The following EIF2AK4 variants were observed in gnomAD, a reference collection of about 807,000 sequenced individuals.
EIF2AK4 encodes the protein eIF-2-alpha kinase GCN2.
A neutral mutation model predicts 211.1 loss-of-function variants in EIF2AK4; 139 were observed. The ratio of observed to expected loss-of-function variants is 0.66; its 90% CI spans 0.57 to 0.76. EIF2AK4 has a LOEUF of 0.76. EIF2AK4 is among the 30% of genes least tolerant of loss of function. The pLI is 0.00. For synonymous variants in EIF2AK4, 710 were observed against 751.3 expected (o/e 0.94, Z 0.90); for missense variants, 1,664 against 2,043.8 (o/e 0.81, Z 3.58).
chr15:39,973,059 A>G, intron 10 of EIF2AK4, 45 bp downstream of exon 10: 1 of 1,543,872 alleles, frequency 6.5e-7, no homozygotes, highest in Non-Finnish European at 9.0e-7. Flanking sequence ...TTTGACATTA[A>G]ATTATTTTGA....
At chr15:39,971,051 T>G (rs1329696127) in intron 9 of EIF2AK4, among the ~76,000 whole-genome samples, 1 of 152,186 alleles carries the variant, frequency 6.6e-6, no homozygotes, top group Non-Finnish European at 1.5e-5. Context: ...ATTGTTTTAA[T>G]TATAGGTCAA....
At position 40,029,380 on chromosome 15, in the gene EIF2AK4, A is replaced by G. The variant is rs17848499; in HGVS notation, c.4503-26A>G. ...GCTTGTGCCTTATTGACTGTTCTTT[A>G]ATTGTTTTTGTTTGCTTGTTTTTAG... is the stretch of plus-strand genomic sequence containing the variant. On this transcript the variant is annotated intron_variant, in intron 33 of 38. Transcript: ENST00000263791. 3.7e-5 allele frequency: 59 copies of G among 1,610,600 alleles called. No homozygotes were observed. In the East Asian group the frequency reaches 1.3e-3, roughly 34 times the overall value.
chr15:40,034,591 T>C lies in EIF2AK4; in HGVS notation c.4892+147T>C, dbSNP rs972215159. 11 of 664,700 alleles carry C rather than the reference T, an allele frequency of 1.7e-5. No homozygotes were observed. In the African/African-American group the frequency reaches 2.0e-4, roughly 12 times the overall value. The allele number at this position is 664,700 out of a possible 1,614,324, so 41.2% of individuals were successfully genotyped here. On this transcript the variant is annotated intron_variant, in intron 38 of 38. Transcript: ENST00000263791. Reference sequence around the variant, plus strand: ...GCAGCTGACAACCAATAAATCTTGCTTGGACTGTGAATCACAGTCATGATC... The same window carrying C: ...GCAGCTGACAACCAATAAATCTTGCCTGGACTGTGAATCACAGTCATGATC...
chr15:39,955,573 C>T (rs1595546546), intron 5 of EIF2AK4, 47 bp from the exon 6 acceptor site: 1 of 1,551,364 alleles, frequency 6.4e-7, no homozygotes. Flanking sequence ...TGATTTTCTT[C>T]CATGTATGAC....
At chr15:39,937,158 T>C (rs1198783920) in intron 1 of EIF2AK4, among the ~76,000 whole-genome samples, 4 of 152,208 alleles carry the variant, frequency 2.6e-5, no homozygotes, top group Non-Finnish European at 4.4e-5. Context: ...CAGCAAAAGG[T>C]CTGCTCATTT....
chr15:39,981,851 G>A (rs934714528), intron 13 of EIF2AK4, among the ~76,000 whole-genome samples: 37 of 151,660 alleles, frequency 2.4e-4, no homozygotes, highest in African/African-American at 8.7e-4. Flanking sequence ...GTCATTCACT[G>A]TAAGTGGCAG....
chr15:40,031,728 C>CTTTTTTTTTTTTT (rs869171453), intron 35 of EIF2AK4, among the ~76,000 whole-genome samples: 1 of 146,152 alleles, frequency 6.8e-6, no homozygotes, highest in Non-Finnish European at 1.5e-5. Context: ...AAGAGCAAAT[C>CTTTTTTTTTTTTT]TTCTTTTTTT....
intron 13 of EIF2AK4, among the ~76,000 whole-genome samples, chr15:39,985,017 A>C (rs113776570): frequency 0.17 from 26,064 of 152,128 alleles, 2,650 homozygotes; most frequent in East Asian, 0.42. Flanking sequence ...TTATTTTGAG[A>C]TACGTTCCAT....
intron 9 of EIF2AK4, among the ~76,000 whole-genome samples, chr15:39,969,977 T>C (rs536627630): frequency 6.6e-6 from 1 of 152,250 alleles, no homozygotes; most frequent in South Asian, 2.1e-4. Flanking sequence ...ACTGGCTGAG[T>C]GAATTAACCC....
intron 32 of EIF2AK4, 26 bp from the exon 33 acceptor site, chr15:40,025,951 G>T: frequency 6.2e-7 from 1 of 1,606,788 alleles, no homozygotes; most frequent in East Asian, 2.2e-5. Context: ...ACCTCCAAAT[G>T]ATAGATCCGT....
At chr15:40,003,379 G>A (rs778979458) in intron 23 of EIF2AK4, 65 bp downstream of exon 23, 8 of 1,584,470 alleles carry the variant, frequency 5.0e-6, no homozygotes, top group Non-Finnish European at 6.0e-6. Context: ...TGGCATCTCT[G>A]TTAAAGGATT....
At position 39,969,522 on chromosome 15, in the gene EIF2AK4, G is replaced by A. The variant is rs149887617; in HGVS notation, c.1553+1643G>A. Among the ~76,000 whole-genome samples the A allele has an allele frequency of 2.4e-3, 364 of 151,908 alleles. 4 individuals carry two copies. The highest frequency in any genetic ancestry group is 0.017 in the East Asian group (88 of 5,166). ...TCTACAGGCGCCCGCTACTACACCC[G>A]GCTAATGTTTTGTATTTTTAGTAGA... is the stretch of plus-strand genomic sequence containing the variant. On this transcript the variant is annotated intron_variant, in intron 9 of 38. Transcript: ENST00000263791.
intron 1 of EIF2AK4, among the ~76,000 whole-genome samples, chr15:39,937,751 G>A (rs1373561781): frequency 6.6e-6 from 1 of 151,766 alleles, no homozygotes; most frequent in East Asian, 1.9e-4. Flanking sequence ...TTCCATCAAA[G>A]TACGGGCCTA....
At chr15:39,996,789 A>G (rs1382740324) in intron 18 of EIF2AK4, among the ~76,000 whole-genome samples, 175 bp from the exon 19 acceptor site, 2 of 152,246 alleles carry the variant, frequency 1.3e-5, no homozygotes, top group Non-Finnish European at 2.9e-5. Flanking sequence ...TACAAAATAT[A>G]TCATTTAGCC....
chr15:39,968,859 T>G (rs1040364797), intron 9 of EIF2AK4, among the ~76,000 whole-genome samples: 1 of 142,528 alleles, frequency 7.0e-6, no homozygotes, highest in Non-Finnish European at 1.5e-5. Context: ...ATTGTTTTTG[T>G]GTAAAGTGAA....
intron 32 of EIF2AK4, among the ~76,000 whole-genome samples, chr15:40,024,195 C>G (rs2035432271): frequency 6.6e-6 from 1 of 151,094 alleles, no homozygotes; most frequent in African/African-American, 2.5e-5. Context: ...CTACCTTTCT[C>G]CATCCTTTTA....
chr15:39,969,549 A>G (rs981931941), intron 9 of EIF2AK4, among the ~76,000 whole-genome samples: 1 of 151,846 alleles, frequency 6.6e-6, no homozygotes, highest in Non-Finnish European at 1.5e-5. Flanking sequence ...TTTAGTAGAG[A>G]CAGGGTTTCA....
chr15:40,015,005 T>A lies in EIF2AK4; in HGVS notation c.3760-1497T>A, dbSNP rs559440231. On this transcript the variant is annotated intron_variant, in intron 27 of 38. Transcript: ENST00000263791. ...GCTAAAACATAGCAAGAATCACCTT[T>A]ACTTCAGTTCCCAACAAGTTCCTCA... Among the ~76,000 whole-genome samples, 15 of 152,330 alleles carry A rather than the reference T, an allele frequency of 9.8e-5. No individual in the cohort carries two copies. The South Asian group carries it at 1.2e-3, about 13-fold the overall frequency.
intron 4 of EIF2AK4, among the ~76,000 whole-genome samples, chr15:39,953,553 T>C (rs4924402): frequency 0.24 from 36,843 of 152,102 alleles, 6,170 homozygotes; most frequent in East Asian, 0.76. Context: ...GTGCTTGTTC[T>C]CTGCAGATAG....
Sources: allele counts gnomAD v4.1 joint callset (sites outside exome capture counted in the v4.1 genomes callset), GRCh38; gene constraint gnomAD v4.1.1; transcripts MANE v1.5; gene names NCBI Gene and HGNC (gene_info 2026-07-23, HGNC 2026-07-21).